The following DTL variants were observed in gnomAD, a reference collection of about 807,000 sequenced individuals.
The protein encoded by DTL is denticleless E3 ubiquitin protein ligase adapter.
In DTL, 46 loss-of-function variants were observed where a neutral mutation model predicts 87.0. The observed-to-expected ratio is 0.53, with a 90% confidence interval of 0.42 to 0.68. DTL has a LOEUF of 0.68. Ranked by LOEUF, DTL falls within the 30% of genes least tolerant of loss-of-function variation. DTL has a pLI of 0.00. For missense variants in DTL, 737 were observed against 869.4 expected (o/e 0.85, Z 1.91); for synonymous variants, 308 against 311.2 (o/e 0.99, Z 0.11).
chr1:212,070,311 C>G (rs773287883), intron 10 of DTL, among the ~76,000 whole-genome samples: 1 of 152,052 alleles, frequency 6.6e-6, no homozygotes, highest in Non-Finnish European at 1.5e-5. Flanking sequence ...GTTAATAGAT[C>G]GATTTATTCC....
At chr1:212,081,462 A>G (rs1365637193) in intron 13 of DTL, among the ~76,000 whole-genome samples, 1 of 152,244 alleles carries the variant, frequency 6.6e-6, no homozygotes, top group Non-Finnish European at 1.5e-5. Context: ...TTGATAGACA[A>G]AAGTCCACCA....
In DTL at chr1:212,042,493, A is replaced by G. The variant is rs534327129; in HGVS notation, c.53-500A>G. 7.9e-5 allele frequency among the ~76,000 whole-genome samples: 12 copies of G among 152,376 alleles called. No homozygotes were observed. The South Asian group carries it at 1.4e-3, about 18-fold the overall frequency. ...GCTGCTATTGACATTTTAGATTCCT[A>G]CAATTTCAGCACTAAAGGAAAACAG... is the stretch of plus-strand genomic sequence containing the variant. On this transcript the variant is annotated intron_variant, in intron 1 of 14. Coordinates refer to ENST00000366991, the MANE Select transcript of DTL (RefSeq NM_016448.4).
At chr1:212,091,194 T>A (rs1655270069) in intron 13 of DTL, among the ~76,000 whole-genome samples, 1 of 152,188 alleles carries the variant, frequency 6.6e-6, no homozygotes, top group African/African-American at 2.4e-5. Context: ...AACAGGTATA[T>A]GAAAAACTGC....
At chr1:212,084,378 G>A (rs1655070757) in intron 13 of DTL, among the ~76,000 whole-genome samples, 2 of 151,862 alleles carry the variant, frequency 1.3e-5, no homozygotes, top group African/African-American at 2.4e-5. Flanking sequence ...TAGAGATGGG[G>A]TTTCACCATG....
intron 5 of DTL, among the ~76,000 whole-genome samples, chr1:212,050,346 T>C (rs986583227): frequency 2.0e-5 from 3 of 152,200 alleles, no homozygotes; most frequent in Non-Finnish European, 4.4e-5. Context: ...GTCACACTAA[T>C]GGAATTTGCC....
intron 5 of DTL, among the ~76,000 whole-genome samples, chr1:212,055,505 A>G (rs968378962): frequency 1.7e-4 from 26 of 152,106 alleles, no homozygotes; most frequent in African/African-American, 5.8e-4. Context: ...AGCCACACAC[A>G]GCGACCTCAT....
chr1:212,081,033 T>G (rs1654976340), intron 13 of DTL, among the ~76,000 whole-genome samples: 1 of 151,892 alleles, frequency 6.6e-6, no homozygotes, highest in Non-Finnish European at 1.5e-5. Flanking sequence ...AACAAAAGAA[T>G]AAAAAATCCT....
chr1:212,051,973 G>C, intron 5 of DTL: 1 of 849,768 alleles, frequency 1.2e-6, no homozygotes, highest in South Asian at 1.4e-5. Flanking sequence ...AACATATATC[G>C]GGTGCCTCTC....
chr1:212,057,437 C>T lies in DTL; in HGVS notation c.461-5447C>T, dbSNP rs546582297. On this transcript the variant is annotated intron_variant, in intron 5 of 14. Coordinates refer to ENST00000366991, the MANE Select transcript of DTL (RefSeq NM_016448.4). ...TTCATAAATAAAAGAGAAATAAAGTCTTTCCCAAACAAGCAAAAGCTGAGG... is the reference window on the plus strand; with the variant it reads ...TTCATAAATAAAAGAGAAATAAAGTTTTTCCCAAACAAGCAAAAGCTGAGG... Among the ~76,000 whole-genome samples, 3 of 151,108 alleles carry T rather than the reference C, an allele frequency of 2.0e-5. No individual in the cohort carries two copies. In the South Asian group the frequency reaches 6.2e-4, roughly 31 times the overall value.
intron 8 of DTL, among the ~76,000 whole-genome samples, chr1:212,067,181 C>T (rs1391853938): frequency 6.6e-6 from 1 of 152,162 alleles, no homozygotes; most frequent in African/African-American, 2.4e-5. Context: ...GCTTGCTTGC[C>T]TTATGCAATA....
At chr1:212,036,349 TA>T (rs1434509250) in intron 1 of DTL, among the ~76,000 whole-genome samples, 1 of 152,188 alleles carries the variant, frequency 6.6e-6, no homozygotes, top group Non-Finnish European at 1.5e-5. Flanking sequence ...AGCTATGTGC[TA>T]TAGGTATATA....
chr1:212,041,586 C>T (rs1160127075), intron 1 of DTL, among the ~76,000 whole-genome samples: 4 of 151,880 alleles, frequency 2.6e-5, no homozygotes, highest in African/African-American at 9.7e-5. Flanking sequence ...GCTCGCGGCA[C>T]GCTCCGCCTC....
At chr1:212,077,697 G>T (rs1571968802) in intron 11 of DTL, 1 of 153,894 alleles carries the variant, frequency 6.5e-6, no homozygotes, top group East Asian at 1.9e-4. Flanking sequence ...GCATGTTTCA[G>T]AAATCTTCAG....
Position 212,102,855 on chromosome 1 carries a change from C to T in DTL, c.2108C>T (p.Pro703Leu). 6.2e-7 allele frequency: 1 copy of T among 1,611,568 alleles called. No individual in the cohort carries two copies. Among genetic ancestry groups the T allele is most frequent in the Non-Finnish European group, 8.5e-7 (1 of 1,178,270 alleles). Reference sequence around the variant, plus strand: ...TTCTTCTTCTAGGTCACCATCACGCCCAGCTCCATGAGGAAAATCTGCACA... The same window carrying T: ...TTCTTCTTCTAGGTCACCATCACGCTCAGCTCCATGAGGAAAATCTGCACA... ...KKLPSPVTIT[P>L]SSMRKICTYF... Residue 703 changes from proline to leucine, a missense_variant, in exon 15 of 15, where the codon CCC becomes CTC. By Grantham distance (98) the Pro-to-Leu change is moderately conservative. Coordinates refer to ENST00000366991, the MANE Select transcript of DTL (RefSeq NM_016448.4).
chr1:212,063,379 G>A (rs768104713), intron 6 of DTL, among the ~76,000 whole-genome samples: 84 of 149,532 alleles, frequency 5.6e-4, no homozygotes, highest in Admixed American at 1.5e-3. Flanking sequence ...CTCCCCACCC[G>A]CTGGGTTCCA....
At chr1:212,096,951 C>A (rs576333037) in intron 13 of DTL, among the ~76,000 whole-genome samples, 8 of 152,252 alleles carry the variant, frequency 5.3e-5, no homozygotes, top group African/African-American at 1.7e-4. Context: ...TGAAGTCCCC[C>A]ACTATGAGAT....
At chr1:212,059,342 C>G (rs918553059) in intron 5 of DTL, among the ~76,000 whole-genome samples, 1 of 151,232 alleles carries the variant, frequency 6.6e-6, no homozygotes, top group Non-Finnish European at 1.5e-5. Context: ...GGATTTATCC[C>G]AGGAATGCAA....
intron 10 of DTL, 68 bp from the exon 11 acceptor site, chr1:212,072,033 G>T: frequency 9.4e-7 from 1 of 1,064,086 alleles, no homozygotes. Flanking sequence ...GAATATATAT[G>T]CTGTCTATAT....
intron 7 of DTL, among the ~76,000 whole-genome samples, chr1:212,065,613 G>A (rs1041147566): frequency 6.6e-6 from 1 of 152,140 alleles, no homozygotes; most frequent in Non-Finnish European, 1.5e-5. Flanking sequence ...GGAAAAGTGG[G>A]GGAGGAGTAG....
Sources: gnomAD v4.1 joint callset for allele counts (sites outside exome capture counted in the v4.1 genomes callset) on GRCh38, gnomAD v4.1.1 for gene constraint, MANE v1.5 for transcripts, NCBI Gene and HGNC (gene_info 2026-07-23, HGNC 2026-07-21) for gene names.